The following ANKRD52 variants were observed in gnomAD, a reference collection of about 807,000 sequenced individuals.
The protein encoded by ANKRD52 is ankyrin repeat domain 52.
Under a neutral mutation model 116.0 loss-of-function variants are expected in ANKRD52, and 7 were observed. That is an observed-to-expected ratio of 0.06 (90% CI 0.03 to 0.11). The LOEUF is 0.11. ANKRD52 is among the 10% of genes least tolerant of loss of function. ANKRD52 has a pLI of 1.00. For synonymous variants in ANKRD52, 528 were observed against 578.1 expected (o/e 0.91, Z 1.24); for missense variants, 839 against 1,408.6 (o/e 0.60, Z 6.47).
In ANKRD52 at chr12:56,258,213, G is replaced by T. The variant is rs754534636; in HGVS notation, c.27+30C>A. 11 of 1,597,270 alleles carry T rather than the reference G, an allele frequency of 6.9e-6. No individual in the cohort carries two copies. In the Admixed American group the frequency reaches 1.7e-4, roughly 25 times the overall value. ...TGACGGCAGCGCCGAGCCCTGGAAG[G>T]AGGAAGCGGGAAAGGGCAGGAGGGC... On this transcript the variant is annotated intron_variant, in intron 1 of 27. Coordinates refer to ENST00000267116, the MANE Select transcript of ANKRD52 (RefSeq NM_173595.4).
At position 56,248,529 on chromosome 12, in the gene ANKRD52, TC is replaced by T; in HGVS notation, c.1741del (p.Glu581ArgfsTer11). ...EMSFNCLEDVESTIPVSPLHL... is the reference protein window; with the variant it reads ...EMSFNCLEDVXSTIPVSPLHL... ...CAAAGGGCTGACTGGAATGGTGCTCTCCACATCCTCCAGGCAGTTAAAGGAC... is the reference window on the plus strand; with the variant it reads ...CAAAGGGCTGACTGGAATGGTGCTCTCACATCCTCCAGGCAGTTAAAGGAC... On this transcript the variant is annotated frameshift_variant, in exon 17 of 28. Coordinates refer to ENST00000267116, the MANE Select transcript of ANKRD52 (RefSeq NM_173595.4). LOFTEE classifies it high-confidence loss of function. The surrounding 1 kb of genome is among the most constrained non-coding windows in gnomAD (Gnocchi z 5.1). 6.3e-7 allele frequency: 1 copy of T among 1,597,500 alleles called. No individual in the cohort carries two copies. Among genetic ancestry groups the T allele is most frequent in the Admixed American group, 1.7e-5 (1 of 57,364 alleles).
Position 56,237,837 on chromosome 12 carries a change from C to T in ANKRD52, c.*5305G>A. On this transcript the variant is annotated 3_prime_UTR_variant, in exon 28 of 28. Coordinates refer to ENST00000267116, the MANE Select transcript of ANKRD52 (RefSeq NM_173595.4). ...GCAATAGGATTTTAATAAACAGAACCCATCCCAAAGCCATGACTACGACAG... is the reference window on the plus strand; with the variant it reads ...GCAATAGGATTTTAATAAACAGAACTCATCCCAAAGCCATGACTACGACAG... The T allele has an allele frequency of 7.6e-7, 1 of 1,316,522 alleles. No homozygotes were observed. The highest frequency in any genetic ancestry group is 1.5e-5 in the South Asian group (1 of 64,920). 81.6% of individuals were successfully genotyped at this position (1,316,522 alleles called of 1,614,324 possible). A position where few individuals can be genotyped will look rare whatever the true frequency, so the allele number is the denominator to read the frequency against.
At chr12:56,247,434 G>T in intron 20 of ANKRD52, 59 bp downstream of exon 20, 2 of 1,388,434 alleles carry the variant, frequency 1.4e-6, no homozygotes, top group Non-Finnish European at 2.0e-6. Flanking sequence ...CTGCTGGTGA[G>T]TCCCATGCTC....
rs1871145535 is a variant in ANKRD52, at chr12:56,241,047, C to T, written c.*2095G>A. On this transcript the variant is annotated 3_prime_UTR_variant, in exon 28 of 28. Transcript: ENST00000267116. ...TCAGGAGAGAGAATTGAAGGGAAGG[C>T]AAGCTTTGCAGAGCCAGCAGGGTTG... The T allele has an allele frequency of 6.6e-6, 1 of 152,112 alleles. No homozygotes were observed. Among genetic ancestry groups the T allele is most frequent in the Non-Finnish European group, 1.5e-5 (1 of 68,052 alleles). The allele number at this position is 152,112 out of a possible 1,614,324, so 9.4% of individuals were successfully genotyped here.
At position 56,245,648 on chromosome 12, in the gene ANKRD52, T is replaced by C. The variant is rs1240117118; in HGVS notation, c.2185-52A>G. 3.2e-6 allele frequency: 5 copies of C among 1,545,292 alleles called. No homozygotes were observed. The Admixed American group carries it at 9.4e-5, about 29-fold the overall frequency. ...GGATGAAAAGCTCCTCCTTTTCCAC[T>C]GGCCTGTTGCTGGAGTCTGGCTCAG... On this transcript the variant is annotated intron_variant, in intron 20 of 27. Coordinates refer to ENST00000267116, the MANE Select transcript of ANKRD52 (RefSeq NM_173595.4).
intron 18 of ANKRD52, 106 bp from the exon 19 acceptor site, chr12:56,247,880 G>A: frequency 1.4e-6 from 2 of 1,391,814 alleles, no homozygotes; most frequent in Non-Finnish European, 2.0e-6. Flanking sequence ...CTGGGCCAGG[G>A]AGAAATCTCT....
chr12:56,244,328 T>C lies in ANKRD52; in HGVS notation c.2805+25A>G. 1 of 1,611,134 alleles carries C rather than the reference T, an allele frequency of 6.2e-7. No homozygotes were observed. Among genetic ancestry groups the C allele is most frequent in the Non-Finnish European group, 8.5e-7 (1 of 1,177,458 alleles). On this transcript the variant is annotated intron_variant, in intron 25 of 27. Transcript: ENST00000267116. This position sits in a 1 kb window ranked among gnomAD's most constrained non-coding sequence, Gnocchi z 4.9. ...TCATCAAGCTCTGCCCCTTATGCAG[T>C]CCCCCAATCACTTCAGGTAAGTACC...
At position 56,253,179 on chromosome 12, in the gene ANKRD52, G is replaced by T; in HGVS notation, c.1101-93C>A. ...TACCACCACCCTAGAGTCAGGGTAG[G>T]AGGTTCTCCAAGGTGCCCTTTGGCA... On this transcript the variant is annotated intron_variant, in intron 10 of 27. Coordinates refer to ENST00000267116, the MANE Select transcript of ANKRD52 (RefSeq NM_173595.4). This position sits in a 1 kb window ranked among gnomAD's most constrained non-coding sequence, Gnocchi z 5.5. The T allele has an allele frequency of 6.9e-7, 1 of 1,454,180 alleles. No homozygotes were observed. Among genetic ancestry groups the T allele is most frequent in the Non-Finnish European group, 9.4e-7 (1 of 1,062,052 alleles). 90.1% of individuals were successfully genotyped at this position (1,454,180 alleles called of 1,614,324 possible).
chr12:56,244,926 G>C lies in ANKRD52; in HGVS notation c.2556C>G (p.Asn852Lys). Residue 852 changes from asparagine to lysine, a missense_variant, in exon 23 of 28, where the codon AAC becomes AAG. Coordinates refer to ENST00000267116, the MANE Select transcript of ANKRD52 (RefSeq NM_173595.4). This position sits in a 1 kb window ranked among gnomAD's most constrained non-coding sequence, Gnocchi z 4.9. ...LLGALGAKIVNSRDAKGRTPL... is the reference protein window; with the variant it reads ...LLGALGAKIVKSRDAKGRTPL... ...CTCACCGTCCTTTGGCATCTCGGCT[G>C]TTCACAATCTTGGCACCCAGAGCTC... The C allele has an allele frequency of 6.2e-7, 1 of 1,613,990 alleles. No individual in the cohort carries two copies. The highest frequency in any genetic ancestry group is 8.5e-7 in the Non-Finnish European group (1 of 1,179,890).
At position 56,254,518 on chromosome 12, in the gene ANKRD52, C is replaced by T. The variant is rs1231120816; in HGVS notation, c.693+60G>A. 6.3e-7 allele frequency: 1 copy of T among 1,590,858 alleles called. No individual in the cohort carries two copies. The highest frequency in any genetic ancestry group is 8.6e-7 in the Non-Finnish European group (1 of 1,168,586). ...ATCCCAATACCTCATATCTCCGTAA[C>T]AGACTATAATCTCCTACTTGCTGCC... On this transcript the variant is annotated intron_variant, in intron 7 of 27. Transcript: ENST00000267116. This position sits in a 1 kb window ranked among gnomAD's most constrained non-coding sequence, Gnocchi z 4.6.
Position 56,254,938 on chromosome 12 carries a change from G to A in ANKRD52, c.477C>T (p.Leu159=), listed in dbSNP as rs377534871. The part of the protein sequence containing the change: ...HSGHLETVNL[L]LNKGASLNVC... The stretch of plus-strand genomic sequence containing the variant: ...CATTCAGGCTGGCTCCCTTGTTGAG[G>A]AGCAGGTTCACCGTCTGCATCAGGA... Residue 159 remains leucine, a synonymous_variant, in exon 6 of 28, where the codon CTC becomes CTT. Transcript: ENST00000267116. The surrounding 1 kb of genome is among the most constrained non-coding windows in gnomAD (Gnocchi z 4.6). 10 of 1,613,120 alleles carry A rather than the reference G, an allele frequency of 6.2e-6. No individual in the cohort carries two copies. The highest frequency in any genetic ancestry group is 1.7e-5 in the Admixed American group (1 of 60,006).
intron 15 of ANKRD52, among the ~76,000 whole-genome samples, chr12:56,250,167 A>C (rs1198867485): frequency 1.3e-5 from 2 of 152,126 alleles, no homozygotes; most frequent in Non-Finnish European, 2.9e-5. Flanking sequence ...ACTGCACTAG[A>C]GCCTGGGTGA....
Position 56,253,805 on chromosome 12 carries a change from G to A in ANKRD52, c.907-5C>T. ...AGGACTTTTCCCTTCTTTGCTCTGTGGAAACATGGTGGGTTTTTGTTTTTG... is the reference window on the plus strand; with the variant it reads ...AGGACTTTTCCCTTCTTTGCTCTGTAGAAACATGGTGGGTTTTTGTTTTTG... On this transcript the variant is annotated splice_region_variant and splice_polypyrimidine_tract_variant and intron_variant, in intron 8 of 27. Coordinates refer to ENST00000267116, the MANE Select transcript of ANKRD52 (RefSeq NM_173595.4). The surrounding 1 kb of genome is among the most constrained non-coding windows in gnomAD (Gnocchi z 5.5). 6.2e-7 allele frequency: 1 copy of A among 1,613,658 alleles called. No individual in the cohort carries two copies. Among genetic ancestry groups the A allele is most frequent in the Non-Finnish European group, 8.5e-7 (1 of 1,179,768 alleles).
intron 20 of ANKRD52, 113 bp downstream of exon 20, chr12:56,247,380 C>T (rs967670830): frequency 1.7e-5 from 14 of 801,362 alleles, no homozygotes; most frequent in African/African-American, 7.1e-5. Context: ...AGAAAAAAGA[C>T]GGCACAAAAT....
In ANKRD52 at chr12:56,238,613, A is replaced by G. The variant is rs1871028991; in HGVS notation, c.*4529T>C. The G allele has an allele frequency of 7.6e-6, 1 of 131,316 alleles. No homozygotes were observed. The highest frequency in any genetic ancestry group is 1.6e-5 in the Non-Finnish European group (1 of 63,926). The allele number at this position is 131,316 out of a possible 1,614,324, so 8.1% of individuals were successfully genotyped here. Reference sequence around the variant, plus strand: ...CACATCTGCAAGACACACAGCAGCGAGAGTAGGCACCCTCCCTTCCCAGGC... The same window carrying G: ...CACATCTGCAAGACACACAGCAGCGGGAGTAGGCACCCTCCCTTCCCAGGC... On this transcript the variant is annotated 3_prime_UTR_variant, in exon 28 of 28. Transcript: ENST00000267116.
rs1871103956 is a variant in ANKRD52 at position 56,240,290 on chromosome 12, A to T, written c.*2852T>A. 1 of 152,176 alleles carries T rather than the reference A, an allele frequency of 6.6e-6. No individual in the cohort carries two copies. The highest frequency in any genetic ancestry group is 2.1e-4 in the South Asian group (1 of 4,826). 9.4% of individuals were successfully genotyped at this position (152,176 alleles called of 1,614,324 possible). A position where few individuals can be genotyped will look rare whatever the true frequency, so the allele number is the denominator to read the frequency against. The stretch of plus-strand genomic sequence containing the variant: ...CAGAAATAGCTCCCCCAAAATCAGA[A>T]ACTAAAAACTGGCTCTTTCCATCTC... On this transcript the variant is annotated 3_prime_UTR_variant, in exon 28 of 28. Coordinates refer to ENST00000267116, the MANE Select transcript of ANKRD52 (RefSeq NM_173595.4). The surrounding 1 kb of genome is among the most constrained non-coding windows in gnomAD (Gnocchi z 4.2).
chr12:56,242,368 G>C lies in ANKRD52; in HGVS notation c.*774C>G. The C allele has an allele frequency of 2.6e-6, 1 of 378,448 alleles. No individual in the cohort carries two copies. The allele number at this position is 378,448 out of a possible 1,614,324, so 23.4% of individuals were successfully genotyped here. A position where few individuals can be genotyped will look rare whatever the true frequency, so the allele number is the denominator to read the frequency against. On this transcript the variant is annotated 3_prime_UTR_variant, in exon 28 of 28. Coordinates refer to ENST00000267116, the MANE Select transcript of ANKRD52 (RefSeq NM_173595.4). The surrounding 1 kb of genome is among the most constrained non-coding windows in gnomAD (Gnocchi z 4.3). The stretch of plus-strand genomic sequence containing the variant: ...TCTGCCCTCCCAAAAGAAGATAAAA[G>C]AAAGAAGCAAGGTTAAAGTGCGTGG...
intron 15 of ANKRD52, among the ~76,000 whole-genome samples, chr12:56,251,222 T>C (rs557879129): frequency 1.3e-5 from 2 of 152,140 alleles, no homozygotes; most frequent in Admixed American, 6.5e-5. Context: ...ATTATAGGCG[T>C]GAACCACCAC....
At chr12:56,249,943 G>A (rs1049266479) in intron 15 of ANKRD52, among the ~76,000 whole-genome samples, 1 of 152,186 alleles carries the variant, frequency 6.6e-6, no homozygotes, top group African/African-American at 2.4e-5. Flanking sequence ...AGGAGGCTGA[G>A]GCAGAATTGC....
Sources: allele counts gnomAD v4.1 joint callset (sites outside exome capture counted in the v4.1 genomes callset), GRCh38; gene constraint gnomAD v4.1.1; non-coding constraint Gnocchi (gnomAD v3.1); transcripts MANE v1.5; gene names NCBI Gene and HGNC (gene_info 2026-07-23, HGNC 2026-07-21).